Variants in GABRG3 observed in about 807,000 individuals in gnomAD.
The protein encoded by GABRG3 is gamma-aminobutyric acid type A receptor subunit gamma3, also known as gamma-aminobutyric acid receptor subunit gamma-3.
Under a neutral mutation model 48.8 loss-of-function variants are expected in GABRG3, and 25 were observed. That is an observed-to-expected ratio of 0.51 (90% CI 0.37 to 0.72). The LOEUF (loss-of-function observed/expected upper bound fraction) is 0.72, where lower values mean the gene tolerates loss of function less well. Among genes scored for constraint, GABRG3 ranks in the 30% least tolerant of loss-of-function variants. The probability of loss-of-function intolerance (pLI) is 0.00; values close to 1 mark genes in which losing one functional copy is unlikely to be tolerated. For synonymous variants in GABRG3, 227 were observed against 217.6 expected (o/e 1.04, Z -0.38); for missense variants, 394 against 577.9 (o/e 0.68, Z 3.26).
chr15:27,413,617 T>TA (rs1299514683), intron 5 of GABRG3, among the ~76,000 whole-genome samples: 1 of 152,170 alleles, frequency 6.6e-6, no homozygotes, highest in Admixed American at 6.5e-5. Flanking sequence ...CCCTTTTTTT[T>TA]AAAACTGCAT....
intron 3 of GABRG3, among the ~76,000 whole-genome samples, chr15:27,289,733 A>G (rs1285213911): frequency 1.3e-5 from 2 of 152,202 alleles, no homozygotes; most frequent in African/African-American, 2.4e-5. Flanking sequence ...TTTACAGATA[A>G]ACAAGGGGAG....
intron 3 of GABRG3, among the ~76,000 whole-genome samples, chr15:27,121,226 T>C (rs768682328): frequency 2.0e-5 from 3 of 152,196 alleles, no homozygotes; most frequent in African/African-American, 4.8e-5. Flanking sequence ...TGGTTAATTT[T>C]CTCACCAACA....
At chr15:27,206,116 G>A (rs888917259) in intron 3 of GABRG3, among the ~76,000 whole-genome samples, 2 of 151,958 alleles carry the variant, frequency 1.3e-5, no homozygotes, top group African/African-American at 4.8e-5. Flanking sequence ...ATTTACTCTT[G>A]TTTTTCTAGT....
intron 3 of GABRG3, among the ~76,000 whole-genome samples, chr15:27,160,212 T>C (rs1887126796): frequency 6.6e-6 from 1 of 152,100 alleles, no homozygotes; most frequent in Non-Finnish European, 1.5e-5. Context: ...GGGTAGAAAA[T>C]AATTTCCCCT....
chr15:27,080,268 A>C (rs1486315192), intron 3 of GABRG3, among the ~76,000 whole-genome samples: 1 of 151,452 alleles, frequency 6.6e-6, no homozygotes, highest in Non-Finnish European at 1.5e-5. Context: ...TGAACAACAT[A>C]GCGAGAACCT....
intron 3 of GABRG3, among the ~76,000 whole-genome samples, chr15:27,173,220 TTACC>T (rs917592001): frequency 9.9e-5 from 15 of 152,168 alleles, no homozygotes; most frequent in Non-Finnish European, 1.8e-4. Flanking sequence ...CTGTTGTATT[TTACC>T]TACCTAATTT....
At chr15:27,528,937 T>C (rs1891349589) in intron 9 of GABRG3, among the ~76,000 whole-genome samples, 1 of 152,206 alleles carries the variant, frequency 6.6e-6, no homozygotes, top group Non-Finnish European at 1.5e-5. Flanking sequence ...ATTGGCAACA[T>C]TGCCACTATC....
chr15:27,420,797 A>G (rs1888090098), intron 5 of GABRG3: 1 of 152,246 alleles, frequency 6.6e-6, no homozygotes, highest in Non-Finnish European at 1.5e-5. Context: ...TATCATTCAC[A>G]AAACTATGTG....
chr15:27,402,819 G>T (rs1887513982), intron 5 of GABRG3, among the ~76,000 whole-genome samples: 1 of 152,202 alleles, frequency 6.6e-6, no homozygotes, highest in Admixed American at 6.5e-5. Flanking sequence ...AGGAGAGCAA[G>T]AAATAAATAG....
rs143724605 is a variant in GABRG3, at chr15:27,116,672, A to G, written c.270+89851A>G. On this transcript the variant is annotated intron_variant, in intron 3 of 9. Coordinates refer to ENST00000615808, the MANE Select transcript of GABRG3 (RefSeq NM_033223.5). ...ATGTTGAGACTTAATCTCCAATGCA[A>G]TAGTATTAAGAGGGGGGCCTTAAGG... Among the ~76,000 whole-genome samples, 14 of 152,294 alleles carry G rather than the reference A, an allele frequency of 9.2e-5. No homozygotes were observed. In the East Asian group the frequency reaches 2.1e-3, roughly 23 times the overall value.
Position 26,988,710 on chromosome 15 carries a change from T to A in GABRG3, c.202+11560T>A, listed in dbSNP as rs571980027. Among the ~76,000 whole-genome samples, 10 of 152,286 alleles carry A rather than the reference T, an allele frequency of 6.6e-5. No homozygotes were observed. In the East Asian group the frequency reaches 1.7e-3, roughly 26 times the overall value. The stretch of plus-strand genomic sequence containing the variant: ...TTATTTTTCTTTCTTTTTTTGCTCC[T>A]TTCCCCTCTTTTTATGATTGTCTTC... On this transcript the variant is annotated intron_variant, in intron 2 of 9. Transcript: ENST00000615808.
chr15:27,230,581 T>C (rs1354391686), intron 3 of GABRG3, among the ~76,000 whole-genome samples: 1 of 152,230 alleles, frequency 6.6e-6, no homozygotes, highest in Non-Finnish European at 1.5e-5. Context: ...AATTTGTATA[T>C]GTTTGTAAAG....
intron 3 of GABRG3, among the ~76,000 whole-genome samples, chr15:27,264,717 C>T (rs1890866824): frequency 6.6e-6 from 1 of 151,854 alleles, no homozygotes; most frequent in African/African-American, 2.4e-5. Context: ...AAACCACCAC[C>T]ATCACCTTCA....
At chr15:27,315,573 G>T (rs1007470252) in intron 3 of GABRG3, among the ~76,000 whole-genome samples, 2 of 152,154 alleles carry the variant, frequency 1.3e-5, no homozygotes, top group African/African-American at 2.4e-5. Context: ...TGGGTAATTG[G>T]ACCTTGGCAA....
intron 3 of GABRG3, among the ~76,000 whole-genome samples, chr15:27,108,732 T>C (rs1437533550): frequency 6.6e-6 from 1 of 152,194 alleles, no homozygotes; most frequent in African/African-American, 2.4e-5. Flanking sequence ...AGTTTTTCCT[T>C]CATTTATTTT....
At chr15:27,256,265 A>AC (rs530207679) in intron 3 of GABRG3, among the ~76,000 whole-genome samples, 2,903 of 151,666 alleles carry the variant, frequency 0.019, 46 homozygotes, top group Middle Eastern at 0.038. Flanking sequence ...ACATGGTGAA[A>AC]CCCGTCTCTA....
At chr15:27,201,960 G>T (rs921959397) in intron 3 of GABRG3, among the ~76,000 whole-genome samples, 3 of 152,148 alleles carry the variant, frequency 2.0e-5, no homozygotes, top group African/African-American at 7.2e-5. Context: ...CAAGTTTGTG[G>T]TAAGTTTAAT....
chr15:27,489,611 A>G (rs1890300244), intron 6 of GABRG3, among the ~76,000 whole-genome samples: 1 of 152,094 alleles, frequency 6.6e-6, no homozygotes. Flanking sequence ...CTTGATTTGC[A>G]TTTCTCTAAT....
chr15:27,064,476 C>T (rs936188325), intron 3 of GABRG3, among the ~76,000 whole-genome samples: 7 of 152,122 alleles, frequency 4.6e-5, no homozygotes, highest in African/African-American at 1.2e-4. Context: ...GGAAAGGGAA[C>T]GCTGGGCTTT....
Sources: gnomAD v4.1 joint callset for allele counts (sites outside exome capture counted in the v4.1 genomes callset) on GRCh38, gnomAD v4.1.1 for gene constraint, MANE v1.5 for transcripts, NCBI Gene and HGNC (gene_info 2026-07-23, HGNC 2026-07-21) for gene names.